ANTXR2: variants seen among roughly 807,000 people sequenced by gnomAD.
The protein encoded by ANTXR2 is ANTXR cell adhesion molecule 2.
Under a neutral mutation model 73.7 loss-of-function variants are expected in ANTXR2, and 44 were observed. The observed-to-expected ratio is 0.60, with a 90% CI of 0.47 to 0.77. The LOEUF (loss-of-function observed/expected upper bound fraction) is 0.77, where lower values mean the gene tolerates loss of function less well. ANTXR2 is among the 30% of genes least tolerant of loss of function. The probability of loss-of-function intolerance (pLI) is 0.00; values close to 1 mark genes in which losing one functional copy is unlikely to be tolerated. For missense variants in ANTXR2, 604 were observed against 592.5 expected, an observed-to-expected ratio of 1.02 and a Z score of -0.20; for synonymous variants, 217 against 205.9, an observed-to-expected ratio of 1.05 and a Z score of -0.46.
At chr4:79,956,497 G>A (rs1728890705) in intron 16 of ANTXR2, among the ~76,000 whole-genome samples, 1 of 151,932 alleles carries the variant, frequency 6.6e-6, no homozygotes, top group African/African-American at 2.4e-5. Flanking sequence ...ATGTACCCTT[G>A]GGAAATTCAC....
chr4:79,928,930 G>A (rs1371442956), intron 16 of ANTXR2, among the ~76,000 whole-genome samples: 2 of 152,166 alleles, frequency 1.3e-5, no homozygotes, highest in Non-Finnish European at 2.9e-5. Flanking sequence ...TTATATTTTA[G>A]AAACATCATT....
chr4:80,011,011 G>A (rs1731546698), intron 11 of ANTXR2, among the ~76,000 whole-genome samples: 1 of 151,998 alleles, frequency 6.6e-6, no homozygotes, highest in Non-Finnish European at 1.5e-5. Context: ...GCCAGGCATG[G>A]TGGTGGGCGC....
intron 16 of ANTXR2, among the ~76,000 whole-genome samples, chr4:79,912,124 CAT>C (rs1727167578): frequency 6.6e-6 from 1 of 151,716 alleles, no homozygotes; most frequent in African/African-American, 2.4e-5. Context: ...TTTTGCATGA[CAT>C]AAAAATTTAG....
At chr4:80,010,442 C>T (rs1731516885) in intron 11 of ANTXR2, among the ~76,000 whole-genome samples, 1 of 152,152 alleles carries the variant, frequency 6.6e-6, no homozygotes, top group Non-Finnish European at 1.5e-5. Context: ...CATTTCTCAC[C>T]AGACCTTTCC....
chr4:80,021,754 T>C (rs970314010), intron 10 of ANTXR2, among the ~76,000 whole-genome samples: 1 of 152,094 alleles, frequency 6.6e-6, no homozygotes, highest in Admixed American at 6.6e-5. Flanking sequence ...TCTAGTATAA[T>C]GTGGCTGGTG....
chr4:80,070,854 A>C (rs1211132420), intron 2 of ANTXR2, among the ~76,000 whole-genome samples: 1 of 151,912 alleles, frequency 6.6e-6, no homozygotes, highest in Non-Finnish European at 1.5e-5. Flanking sequence ...GTGTTTGCTC[A>C]TTGCATTTTT....
chr4:80,015,449 T>C (rs1263641163), intron 11 of ANTXR2, among the ~76,000 whole-genome samples: 1 of 152,248 alleles, frequency 6.6e-6, no homozygotes, highest in Non-Finnish European at 1.5e-5. Flanking sequence ...GCCTATATTC[T>C]AGCATTTGTT....
Position 79,977,716 on chromosome 4 carries a change from G to C in ANTXR2, c.1348-15C>G, listed in dbSNP as rs1729700811. 1.9e-6 allele frequency: 3 copies of C among 1,560,042 alleles called. No individual in the cohort carries two copies. The highest frequency in any genetic ancestry group is 1.4e-5 in the African/African-American group (1 of 73,358). ...TCAAGACGACCCTAAGGGAAAATGA[G>C]ATTTGTGAATTCCCAGAGAATGTAC... On this transcript the variant is annotated splice_polypyrimidine_tract_variant and intron_variant, in intron 15 of 16. Transcript: ENST00000403729.
chr4:79,935,092 A>C (rs186184958), intron 16 of ANTXR2, among the ~76,000 whole-genome samples: 1 of 149,138 alleles, frequency 6.7e-6, no homozygotes, highest in African/African-American at 2.5e-5. Flanking sequence ...TTAAAGTATA[A>C]AAAAAAAAAA....
intron 16 of ANTXR2, among the ~76,000 whole-genome samples, chr4:79,966,051 A>T (rs1729348149): frequency 6.6e-6 from 1 of 151,992 alleles, no homozygotes; most frequent in Non-Finnish European, 1.5e-5. Flanking sequence ...TTGTAGGTAT[A>T]TGTGATTATT....
intron 7 of ANTXR2, among the ~76,000 whole-genome samples, chr4:80,047,987 A>G (rs1189537319): frequency 1.3e-5 from 2 of 151,734 alleles, no homozygotes; most frequent in Admixed American, 6.6e-5. Context: ...AATCAAATTT[A>G]TATGAAATCA....
At chr4:80,020,964 C>A (rs574217585) in intron 10 of ANTXR2, among the ~76,000 whole-genome samples, 4 of 151,620 alleles carry the variant, frequency 2.6e-5, no homozygotes, top group Non-Finnish European at 5.9e-5. Context: ...CTGGCTAACA[C>A]GGTGAAACCC....
At chr4:79,929,387 C>G (rs972461785) in intron 16 of ANTXR2, among the ~76,000 whole-genome samples, 2 of 151,972 alleles carry the variant, frequency 1.3e-5, no homozygotes, top group Admixed American at 1.3e-4. Context: ...GTGGCAGATG[C>G]CTGTAATCCC....
chr4:79,925,633 T>A (rs1402134202), intron 16 of ANTXR2, among the ~76,000 whole-genome samples: 1 of 152,126 alleles, frequency 6.6e-6, no homozygotes, highest in African/African-American at 2.4e-5. Flanking sequence ...ATTTCCAGTT[T>A]TTAAAAGATT....
intron 16 of ANTXR2, among the ~76,000 whole-genome samples, chr4:79,960,736 G>C (rs1560909251): frequency 6.6e-6 from 1 of 151,622 alleles, no homozygotes; most frequent in African/African-American, 2.4e-5. Flanking sequence ...TTAAATGTTA[G>C]AGGTTGGAAT....
At chr4:79,929,253 C>T (rs146415215) in intron 16 of ANTXR2, among the ~76,000 whole-genome samples, 5 of 151,916 alleles carry the variant, frequency 3.3e-5, no homozygotes, top group Admixed American at 2.6e-4. Flanking sequence ...AGTGGCTCAC[C>T]CCTGTAATCC....
intron 10 of ANTXR2, chr4:80,024,685 C>T (rs1407856271): frequency 8.8e-6 from 4 of 453,300 alleles, no homozygotes. Flanking sequence ...TCACCTGAGC[C>T]AGAAAGGCCA....
At chr4:80,030,428 C>T (rs554914889) in intron 10 of ANTXR2, among the ~76,000 whole-genome samples, 12 of 152,006 alleles carry the variant, frequency 7.9e-5, no homozygotes, top group South Asian at 4.1e-4. Flanking sequence ...TTGAGTCCTA[C>T]GGTGTGCTTG....
At position 79,907,116 on chromosome 4, in the gene ANTXR2, T is replaced by C. The variant is rs1726944764; in HGVS notation, c.*313A>G. ...TCGTGTTGTTGCTGTTGTTGCTTTT[T>C]CCTCTTCTACACATTCAAACAAACT... On this transcript the variant is annotated 3_prime_UTR_variant, in exon 17 of 17. Coordinates refer to ENST00000403729, the MANE Select transcript of ANTXR2 (RefSeq NM_058172.6). The C allele has an allele frequency of 1.4e-5, 5 of 366,814 alleles. No homozygotes were observed. In the South Asian group the frequency reaches 2.2e-4, roughly 16 times the overall value. The allele number at this position is 366,814 out of a possible 1,614,324, so 22.7% of individuals were successfully genotyped here.
Sources: gnomAD v4.1 joint callset for allele counts (sites outside exome capture counted in the v4.1 genomes callset) on GRCh38, gnomAD v4.1.1 for gene constraint, MANE v1.5 for transcripts, NCBI Gene and HGNC (gene_info 2026-07-23, HGNC 2026-07-21) for gene names.